The following ZMIZ1 variants were observed in gnomAD, a reference collection of about 807,000 sequenced individuals.
The protein encoded by ZMIZ1 is zinc finger MIZ-type containing 1.
A neutral mutation model predicts 113.9 loss-of-function variants in ZMIZ1; 17 were observed. That is an observed-to-expected ratio of 0.15 (90% CI 0.10 to 0.22). The LOEUF is 0.22. Ranked by LOEUF, ZMIZ1 falls within the 10% of genes least tolerant of loss-of-function variation. ZMIZ1 has a pLI of 1.00. For synonymous variants in ZMIZ1, 607 were observed against 603.1 expected (o/e 1.01, Z -0.09); for missense variants, 1,059 against 1,477.8 (o/e 0.72, Z 4.65).
chr10:79,078,031 A>G (rs752893358), intron 1 of ZMIZ1, among the ~76,000 whole-genome samples: 31 of 152,268 alleles, frequency 2.0e-4, no homozygotes, highest in Non-Finnish European at 3.5e-4. Context: ...CTTGTGTAGC[A>G]CAAAGGGCTG....
chr10:79,312,821 G>A lies in ZMIZ1; in HGVS notation c.*72G>A. On this transcript the variant is annotated 3_prime_UTR_variant, in exon 25 of 25. Coordinates refer to ENST00000334512, the MANE Select transcript of ZMIZ1 (RefSeq NM_020338.4). Reference sequence around the variant, plus strand: ...ACCTACCCAACACACTTTTCCACCTGGGAGCCTGTGCCCTCAGACCGCCCC... The same window carrying A: ...ACCTACCCAACACACTTTTCCACCTAGGAGCCTGTGCCCTCAGACCGCCCC... The A allele has an allele frequency of 1.3e-6, 2 of 1,488,712 alleles. No homozygotes were observed. The highest frequency in any genetic ancestry group is 2.3e-5 in the South Asian group (2 of 87,432). 92.2% of individuals were successfully genotyped at this position (1,488,712 alleles called of 1,614,324 possible).
At chr10:79,308,941 G>A (rs2132100919) in intron 23 of ZMIZ1, among the ~76,000 whole-genome samples, 1 of 152,324 alleles carries the variant, frequency 6.6e-6, no homozygotes, top group Non-Finnish European at 1.5e-5. Context: ...ATCTGAGCCT[G>A]TGAGTTGACC....
At chr10:79,270,096 C>T (rs908094548) in intron 7 of ZMIZ1, among the ~76,000 whole-genome samples, 2 of 152,218 alleles carry the variant, frequency 1.3e-5, no homozygotes, top group Admixed American at 1.3e-4. Context: ...AATACAGGGC[C>T]TGTCACTGCC....
rs1180391537 is a variant in ZMIZ1 at position 79,139,639 on chromosome 10, G to A, written c.-226-43G>A. The A allele has an allele frequency of 2.3e-5, 9 of 398,224 alleles. No individual in the cohort carries two copies. In the East Asian group the frequency reaches 2.8e-4, roughly 13 times the overall value. The allele number at this position is 398,224 out of a possible 1,614,324, so 24.7% of individuals were successfully genotyped here. A position where few individuals can be genotyped will look rare whatever the true frequency, so the allele number is the denominator to read the frequency against. On this transcript the variant is annotated intron_variant, in intron 2 of 24. Transcript: ENST00000334512. Reference sequence around the variant, plus strand: ...GTGGGAGGGGAGTGGACGGCACACCGGCCTGCTCTCACACACGTCTCATCT... The same window carrying A: ...GTGGGAGGGGAGTGGACGGCACACCAGCCTGCTCTCACACACGTCTCATCT...
chr10:79,082,844 C>T (rs936178712), intron 1 of ZMIZ1, among the ~76,000 whole-genome samples: 3 of 152,236 alleles, frequency 2.0e-5, no homozygotes, highest in Non-Finnish European at 2.9e-5. Flanking sequence ...GAGGGTCCTG[C>T]TGGTGGGGCC....
At chr10:79,128,005 A>G (rs552717584) in intron 2 of ZMIZ1, among the ~76,000 whole-genome samples, 8 of 152,318 alleles carry the variant, frequency 5.3e-5, no homozygotes, top group African/African-American at 1.9e-4. Flanking sequence ...CTTTGCAAGC[A>G]TGCAGTTCCT....
intron 7 of ZMIZ1, among the ~76,000 whole-genome samples, chr10:79,260,925 G>A (rs1465225194): frequency 6.6e-6 from 1 of 152,188 alleles, no homozygotes; most frequent in Admixed American, 6.5e-5. Context: ...GTCTCCACAG[G>A]ATTGTCAGGA....
At chr10:79,161,484 T>G (rs1180418780) in intron 3 of ZMIZ1, among the ~76,000 whole-genome samples, 1 of 152,194 alleles carries the variant, frequency 6.6e-6, no homozygotes, top group African/African-American at 2.4e-5. Context: ...TCTTCACATA[T>G]GCTGTTCCCT....
At chr10:79,165,577 G>A (rs1263979289) in intron 4 of ZMIZ1, among the ~76,000 whole-genome samples, 3 of 152,198 alleles carry the variant, frequency 2.0e-5, no homozygotes, top group Admixed American at 2.0e-4. Flanking sequence ...CCTCCCTCCC[G>A]TGTGTGTCAG....
intron 7 of ZMIZ1, among the ~76,000 whole-genome samples, chr10:79,231,059 C>G (rs1022050546): frequency 6.6e-6 from 1 of 152,170 alleles, no homozygotes; most frequent in African/African-American, 2.4e-5. Flanking sequence ...GTGTCAGAGT[C>G]ACATGTCCAC....
intron 23 of ZMIZ1, among the ~76,000 whole-genome samples, chr10:79,308,019 AG>A (rs1339146747): frequency 2.0e-5 from 3 of 152,186 alleles, no homozygotes; most frequent in Non-Finnish European, 4.4e-5. Flanking sequence ...AAGAAATGCT[AG>A]GAAGTCTGAT....
rs1345500965 is a variant in ZMIZ1, at chr10:79,304,132, G to A, written c.2243G>A (p.Arg748His). Residue 748 changes from arginine to histidine, a missense_variant, in exon 19 of 25, where the codon CGC becomes CAC. Physicochemically the swap from Arg to His is conservative, Grantham distance 29. Transcript: ENST00000334512. The part of the protein sequence containing the change: ...VSLKCPITFR[R>H]IQLPARGHDC... The stretch of plus-strand genomic sequence containing the variant: ...CTGAAGTGCCCCATCACATTCCGGC[G>A]CATCCAGCTGCCTGCTCGAGGACAC... The A allele has an allele frequency of 8.1e-6, 13 of 1,613,978 alleles. No individual in the cohort carries two copies. The highest frequency in any genetic ancestry group is 2.2e-5 in the East Asian group (1 of 44,892).
intron 7 of ZMIZ1, among the ~76,000 whole-genome samples, chr10:79,276,160 G>A (rs930320236): frequency 2.6e-5 from 4 of 152,172 alleles, no homozygotes; most frequent in African/African-American, 9.7e-5. Context: ...GGCAGGACAC[G>A]AGGCATTACT....
intron 7 of ZMIZ1, among the ~76,000 whole-genome samples, chr10:79,222,494 G>A (rs567982097): frequency 6.6e-6 from 1 of 152,334 alleles, no homozygotes; most frequent in East Asian, 1.9e-4. Context: ...CCCATGCAGA[G>A]TGGATCGCTT....
At chr10:79,238,693 G>T (rs1425639077) in intron 7 of ZMIZ1, among the ~76,000 whole-genome samples, 1 of 152,198 alleles carries the variant, frequency 6.6e-6, no homozygotes, top group Non-Finnish European at 1.5e-5. Context: ...GGGAATATGT[G>T]ATGGTTATCA....
intron 17 of ZMIZ1, 76 bp downstream of exon 17, chr10:79,301,018 C>T: frequency 6.4e-7 from 1 of 1,561,480 alleles, no homozygotes; most frequent in Non-Finnish European, 8.6e-7. Context: ...GAATACCCTG[C>T]CCCACTCTGG....
intron 24 of ZMIZ1, among the ~76,000 whole-genome samples, chr10:79,312,119 A>G (rs1051958783): frequency 7.2e-5 from 11 of 152,256 alleles, no homozygotes; most frequent in Middle Eastern, 3.2e-3. Context: ...GGGTAGAGAC[A>G]GTCTGCATCC....
chr10:79,093,254 C>T (rs1843047749), intron 1 of ZMIZ1, among the ~76,000 whole-genome samples: 2 of 151,466 alleles, frequency 1.3e-5, no homozygotes, highest in African/African-American at 4.9e-5. Context: ...TTCTGAAGAA[C>T]CCTACGCGGG....
At chr10:79,144,995 A>G (rs1160689140) in intron 3 of ZMIZ1, among the ~76,000 whole-genome samples, 8 of 146,450 alleles carry the variant, frequency 5.5e-5, no homozygotes, top group Non-Finnish European at 9.1e-5. Context: ...CCCTCCATCT[A>G]TCTCCTGCCC....
Sources: gnomAD v4.1 joint callset for allele counts (sites outside exome capture counted in the v4.1 genomes callset) on GRCh38, gnomAD v4.1.1 for gene constraint, MANE v1.5 for transcripts, NCBI Gene and HGNC (gene_info 2026-07-23, HGNC 2026-07-21) for gene names.